Variants in HDAC9 observed in about 807,000 individuals in gnomAD.
The protein encoded by HDAC9 is histone deacetylase 9.
In HDAC9, 41 loss-of-function variants were observed where a neutral mutation model predicts 139.4. The observed-to-expected ratio is 0.29, with a 90% CI of 0.23 to 0.38. The LOEUF is 0.38. Among genes scored for constraint, HDAC9 ranks in the 10% least tolerant of loss-of-function variants. The pLI is 1.00. For synonymous variants in HDAC9, 517 were observed against 476.2 expected (o/e 1.09, Z -1.12); for missense variants, 1,147 against 1,297.0 (o/e 0.88, Z 1.78).
At chr7:18,850,808 A>G (rs979303056) in intron 21 of HDAC9, among the ~76,000 whole-genome samples, 4 of 152,178 alleles carry the variant, frequency 2.6e-5, no homozygotes, top group East Asian at 1.9e-4. Flanking sequence ...AGCAGAATCA[A>G]TGTCTGTTGA....
At chr7:18,241,098 T>C (rs1484295555) in intron 2 of HDAC9, among the ~76,000 whole-genome samples, 1 of 152,224 alleles carries the variant, frequency 6.6e-6, no homozygotes, top group East Asian at 1.9e-4. Context: ...TCGTTCTTTC[T>C]AGGTCTTAAA....
intron 21 of HDAC9, among the ~76,000 whole-genome samples, chr7:18,857,929 T>G (rs1435607947): frequency 6.6e-6 from 1 of 152,178 alleles, no homozygotes; most frequent in Admixed American, 6.6e-5. Context: ...AACAAGCTAA[T>G]TTTTTAAATA....
intron 1 of HDAC9, among the ~76,000 whole-genome samples, chr7:18,160,025 T>A (rs116682289): frequency 5.5e-4 from 83 of 152,122 alleles, no homozygotes; most frequent in African/African-American, 1.8e-3. Flanking sequence ...TCATGGAGAG[T>A]TGTTGTGTGT....
At chr7:18,817,060 A>C (rs575848459) in intron 17 of HDAC9, among the ~76,000 whole-genome samples, 1 of 148,030 alleles carries the variant, frequency 6.8e-6, no homozygotes, top group East Asian at 2.0e-4. Flanking sequence ...TTTGAAATGG[A>C]GTCTCGCGCT....
At chr7:18,657,182 T>G (rs2129052262) in intron 11 of HDAC9, among the ~76,000 whole-genome samples, 1 of 152,284 alleles carries the variant, frequency 6.6e-6, no homozygotes, top group African/African-American at 2.4e-5. Flanking sequence ...TATTAATCTC[T>G]TGTCAGAGGG....
chr7:18,708,763 G>C (rs1784124443), intron 12 of HDAC9, among the ~76,000 whole-genome samples: 1 of 152,124 alleles, frequency 6.6e-6, no homozygotes. Flanking sequence ...GGCCTCATTA[G>C]CTGATGTCTC....
chr7:18,996,189 C>T lies in HDAC9; in HGVS notation c.*127C>T, dbSNP rs749780057. 1.6e-6 allele frequency: 1 copy of T among 620,910 alleles called. No homozygotes were observed. Among genetic ancestry groups the T allele is most frequent in the South Asian group, 2.0e-5 (1 of 49,042 alleles). 38.5% of individuals were successfully genotyped at this position (620,910 alleles called of 1,614,324 possible). On this transcript the variant is annotated 3_prime_UTR_variant, in exon 26 of 26. Coordinates refer to ENST00000686413, the MANE Select transcript of HDAC9 (RefSeq NM_178425.4). Reference sequence around the variant, plus strand: ...GATTCAATGGAACATAAACACTGGGCACAAAATTCTGAACAGCAGCTTCAC... The same window carrying T: ...GATTCAATGGAACATAAACACTGGGTACAAAATTCTGAACAGCAGCTTCAC...
intron 1 of HDAC9, among the ~76,000 whole-genome samples, chr7:18,358,618 A>G (rs751642067): frequency 6.6e-6 from 1 of 152,358 alleles, no homozygotes; most frequent in East Asian, 1.9e-4. Flanking sequence ...CTTGATAAGT[A>G]TACCTACATA....
intron 24 of HDAC9, among the ~76,000 whole-genome samples, chr7:18,975,495 C>T (rs764634269): frequency 9.9e-5 from 15 of 152,148 alleles, no homozygotes; most frequent in African/African-American, 1.4e-4. Flanking sequence ...GCGTGAAGCC[C>T]GGAGTTTGCT....
chr7:18,954,038 G>T (rs983964509), intron 23 of HDAC9, 108 bp from the exon 24 acceptor site: 1 of 723,590 alleles, frequency 1.4e-6, no homozygotes, highest in East Asian at 2.8e-5. Context: ...ACTAGTTCTC[G>T]GAGCAAGCTT....
intron 17 of HDAC9, among the ~76,000 whole-genome samples, chr7:18,826,909 AT>A (rs936057131): frequency 9.9e-5 from 15 of 151,638 alleles, no homozygotes; most frequent in Admixed American, 7.2e-4. Context: ...TGTTATATAT[AT>A]TTTTTCCCCA....
At chr7:18,209,765 A>G (rs928778711) in intron 2 of HDAC9, among the ~76,000 whole-genome samples, 1 of 151,224 alleles carries the variant, frequency 6.6e-6, no homozygotes, top group African/African-American at 2.4e-5. Context: ...CAGTGGTGTG[A>G]TCTTGGCTCA....
intron 11 of HDAC9, among the ~76,000 whole-genome samples, chr7:18,649,851 A>G (rs1238425830): frequency 6.6e-6 from 1 of 152,080 alleles, no homozygotes; most frequent in Non-Finnish European, 1.5e-5. Flanking sequence ...CGCTACTCTC[A>G]AAGTAGCAAA....
At chr7:18,703,745 A>G (rs1161811985) in intron 12 of HDAC9, among the ~76,000 whole-genome samples, 2 of 151,170 alleles carry the variant, frequency 1.3e-5, no homozygotes, top group Non-Finnish European at 2.9e-5. Flanking sequence ...CTCTCCTTCC[A>G]GAAATAACCC....
chr7:18,641,492 A>G (rs1785582036), intron 8 of HDAC9, among the ~76,000 whole-genome samples: 1 of 152,112 alleles, frequency 6.6e-6, no homozygotes, highest in Non-Finnish European at 1.5e-5. Context: ...CCATTAATCT[A>G]AGACAGAGAA....
chr7:18,189,011 A>G (rs575727649), intron 2 of HDAC9, among the ~76,000 whole-genome samples: 12 of 152,344 alleles, frequency 7.9e-5, no homozygotes, highest in Non-Finnish European at 1.5e-4. Flanking sequence ...CCAAAGGAAT[A>G]TAAATCATTC....
chr7:18,103,659 G>A (rs1452337974), intron 1 of HDAC9, among the ~76,000 whole-genome samples: 2 of 152,162 alleles, frequency 1.3e-5, no homozygotes, highest in Non-Finnish European at 2.9e-5. Context: ...TATCGTTATG[G>A]ATAGGTTCTT....
upstream of HDAC9, among the ~76,000 whole-genome samples, chr7:18,491,281 C>T (rs1413088911): frequency 6.6e-6 from 1 of 151,862 alleles, no homozygotes; most frequent in Non-Finnish European, 1.5e-5. Context: ...AAACAATACA[C>T]TGTACACGAT....
intron 1 of HDAC9, among the ~76,000 whole-genome samples, chr7:18,325,309 A>C (rs1239113330): frequency 6.6e-6 from 1 of 152,128 alleles, no homozygotes; most frequent in Non-Finnish European, 1.5e-5. Flanking sequence ...AACAAAAAGA[A>C]GTCTTCAATT....
Sources: allele counts gnomAD v4.1 joint callset (sites outside exome capture counted in the v4.1 genomes callset), GRCh38; gene constraint gnomAD v4.1.1; transcripts MANE v1.5; gene names NCBI Gene and HGNC (gene_info 2026-07-23, HGNC 2026-07-21).